The following DYNC2H1 variants were observed in gnomAD, a reference collection of about 807,000 sequenced individuals.
The protein encoded by DYNC2H1 is cytoplasmic dynein 2 heavy chain 1.
In DYNC2H1, 410 loss-of-function variants were observed where a neutral mutation model predicts 570.0. The ratio of observed to expected loss-of-function variants is 0.72; its 90% CI spans 0.66 to 0.78. The LOEUF (loss-of-function observed/expected upper bound fraction) is 0.78, where lower values mean the gene tolerates loss of function less well. DYNC2H1 is among the 30% of genes least tolerant of loss of function. DYNC2H1 has a pLI of 0.00. For synonymous variants in DYNC2H1, 1,688 were observed against 1,677.6 expected, an observed-to-expected ratio of 1.01 and a Z score of -0.15; for missense variants, 4,865 against 5,046.4, an observed-to-expected ratio of 0.96 and a Z score of 1.09.
intron 87 of DYNC2H1, among the ~76,000 whole-genome samples, chr11:103,457,715 T>C (rs949604676): frequency 1.3e-5 from 2 of 152,292 alleles, no homozygotes; most frequent in East Asian, 3.9e-4. Flanking sequence ...GTTCAAGTGA[T>C]CCTTCTGCCT....
At chr11:103,382,399 T>A (rs1463802261) in intron 83 of DYNC2H1, among the ~76,000 whole-genome samples, 1 of 152,190 alleles carries the variant, frequency 6.6e-6, no homozygotes, top group Non-Finnish European at 1.5e-5. Context: ...TTGGAATAGC[T>A]TAATTTCTAA....
chr11:103,271,708 C>T (rs1348342194), intron 70 of DYNC2H1, among the ~76,000 whole-genome samples: 1 of 152,120 alleles, frequency 6.6e-6, no homozygotes, highest in Admixed American at 6.6e-5. Context: ...CCATTTAATG[C>T]TTACAACAAT....
intron 12 of DYNC2H1, 96 bp from the exon 13 acceptor site, chr11:103,128,814 G>A (rs1391257226): frequency 3.8e-6 from 4 of 1,066,098 alleles, no homozygotes; most frequent in South Asian, 3.3e-5. Context: ...TTAAATTTTA[G>A]GATTGAGAAA....
intron 84 of DYNC2H1, among the ~76,000 whole-genome samples, chr11:103,411,577 T>A (rs1242184798): frequency 6.6e-6 from 1 of 152,014 alleles, no homozygotes; most frequent in East Asian, 1.9e-4. Context: ...TCATTTTCTA[T>A]GATTATAATA....
chr11:103,240,005 T>C (rs899682706), intron 63 of DYNC2H1, among the ~76,000 whole-genome samples: 1 of 149,514 alleles, frequency 6.7e-6, no homozygotes, highest in Non-Finnish European at 1.5e-5. Flanking sequence ...TCAAAATTTA[T>C]CAGCCTTTAA....
rs1858807923 is a variant in DYNC2H1 at position 103,123,135 on chromosome 11, T to C, written c.1661+135T>C. 1.1e-5 allele frequency: 7 copies of C among 648,906 alleles called. No individual in the cohort carries two copies. In the Admixed American group the frequency reaches 1.7e-4, roughly 16 times the overall value. The allele number at this position is 648,906 out of a possible 1,614,324, so 40.2% of individuals were successfully genotyped here. On this transcript the variant is annotated intron_variant, in intron 11 of 88. Transcript: ENST00000375735. The stretch of plus-strand genomic sequence containing the variant: ...GTAATTTTTTTTTGTTGTTTGTTTT[T>C]GATCATCAACTTTTAATTCATTAAG...
chr11:103,243,873 A>G lies in DYNC2H1; in HGVS notation c.9918+82A>G. On this transcript the variant is annotated intron_variant, in intron 64 of 88. Transcript: ENST00000375735. The surrounding 1 kb of genome is among the most constrained non-coding windows in gnomAD (Gnocchi z 4.8). ...ATCTTGGAGTCTATAATCAGAAAACATAGATTCAACACTGGGTCCTACTGT... is the reference window on the plus strand; with the variant it reads ...ATCTTGGAGTCTATAATCAGAAAACGTAGATTCAACACTGGGTCCTACTGT... The G allele has an allele frequency of 8.9e-7, 1 of 1,127,170 alleles. No homozygotes were observed. Among genetic ancestry groups the G allele is most frequent in the Non-Finnish European group, 1.3e-6 (1 of 795,918 alleles). 69.8% of individuals were successfully genotyped at this position (1,127,170 alleles called of 1,614,324 possible). A position where few individuals can be genotyped will look rare whatever the true frequency, so the allele number is the denominator to read the frequency against.
chr11:103,364,791 C>T (rs1026110920), intron 83 of DYNC2H1, among the ~76,000 whole-genome samples: 1 of 152,150 alleles, frequency 6.6e-6, no homozygotes, highest in Non-Finnish European at 1.5e-5. Context: ...CTCCTCCCCA[C>T]AGTCTCCACA....
At position 103,181,612 on chromosome 11, in the gene DYNC2H1, T is replaced by G; in HGVS notation, c.6348-145T>G. ...ATGTAATTGTATTATTCACACATACTCATAGTAAAGTAACTAAAGCCACCT... is the reference window on the plus strand; with the variant it reads ...ATGTAATTGTATTATTCACACATACGCATAGTAAAGTAACTAAAGCCACCT... On this transcript the variant is annotated intron_variant, in intron 39 of 88. Coordinates refer to ENST00000375735, the MANE Select transcript of DYNC2H1 (RefSeq NM_001377.3). This position sits in a 1 kb window ranked among gnomAD's most constrained non-coding sequence, Gnocchi z 5.0. 1 of 720,890 alleles carries G rather than the reference T, an allele frequency of 1.4e-6. No individual in the cohort carries two copies. Among genetic ancestry groups the G allele is most frequent in the East Asian group, 2.8e-5 (1 of 35,218 alleles). The allele number at this position is 720,890 out of a possible 1,614,324, so 44.7% of individuals were successfully genotyped here. A position where few individuals can be genotyped will look rare whatever the true frequency, so the allele number is the denominator to read the frequency against.
At chr11:103,131,718 G>A (rs969722082) in intron 13 of DYNC2H1, among the ~76,000 whole-genome samples, 2 of 151,884 alleles carry the variant, frequency 1.3e-5, no homozygotes, top group Non-Finnish European at 1.5e-5. Flanking sequence ...ATGCATATTT[G>A]ACATTTTTTT....
Position 103,435,839 on chromosome 11 carries a change from T to G in DYNC2H1, c.12367-104T>G, listed in dbSNP as rs1295818484. 3.4e-6 allele frequency: 3 copies of G among 892,124 alleles called. No individual in the cohort carries two copies. The East Asian group carries it at 8.0e-5, about 24-fold the overall frequency. The allele number at this position is 892,124 out of a possible 1,614,324, so 55.3% of individuals were successfully genotyped here. On this transcript the variant is annotated intron_variant, in intron 84 of 88. Transcript: ENST00000375735. ...TCAAACTTAATGAATTTCATATGTA[T>G]ATGTGAATTATGCCAAAATTTTTCT...
At position 103,155,445 on chromosome 11, in the gene DYNC2H1, T is replaced by C; in HGVS notation, c.3688T>C (p.Phe1230Leu). The stretch of plus-strand genomic sequence containing the variant: ...GGGGACTAGTCTAGAGAAACTACTG[T>C]TTGGTGATTTGCTCAGAGTAGCTGA... ...PRGTSLEKLL[F>L]GDLLRVADTI... is the part of the protein sequence containing the mutation. Residue 1230 changes from phenylalanine to leucine, a missense_variant, in exon 25 of 89, where the codon TTT becomes CTT. Transcript: ENST00000375735. 1 of 1,612,552 alleles carries C rather than the reference T, an allele frequency of 6.2e-7. No homozygotes were observed. The highest frequency in any genetic ancestry group is 8.5e-7 in the Non-Finnish European group (1 of 1,179,108).
intron 84 of DYNC2H1, among the ~76,000 whole-genome samples, chr11:103,413,195 A>G (rs1240708811): frequency 1.3e-5 from 2 of 152,214 alleles, no homozygotes; most frequent in East Asian, 1.9e-4. Context: ...ATTTATGACT[A>G]CATCCACCAT....
In DYNC2H1 at chr11:103,338,274, G is replaced by A. The variant is rs188132111; in HGVS notation, c.12039+14284G>A. Reference sequence around the variant, plus strand: ...CTACCATGGTATTTTGGTTACTATAGGTTTCTAGTATACTTTGGAGTCAGG... The same window carrying A: ...CTACCATGGTATTTTGGTTACTATAAGTTTCTAGTATACTTTGGAGTCAGG... On this transcript the variant is annotated intron_variant, in intron 82 of 88. Coordinates refer to ENST00000375735, the MANE Select transcript of DYNC2H1 (RefSeq NM_001377.3). 7.8e-4 allele frequency among the ~76,000 whole-genome samples: 118 copies of A among 151,878 alleles called. 1 individual carries two copies. The highest frequency in any genetic ancestry group is 2.7e-3 in the African/African-American group (112 of 41,430).
intron 21 of DYNC2H1, among the ~76,000 whole-genome samples, 191 bp from the exon 22 acceptor site, chr11:103,153,112 G>C (rs1397039471): frequency 6.6e-6 from 1 of 151,972 alleles, no homozygotes; most frequent in Non-Finnish European, 1.5e-5. Context: ...TAAATTTATG[G>C]TCTAATTTAT....
rs776119144 is a variant in DYNC2H1, at chr11:103,236,399, T to G, written c.9710-31T>G. On this transcript the variant is annotated intron_variant, in intron 62 of 88. Transcript: ENST00000375735. ...CCCTTCATCAAGTACAAGATCGTTG[T>G]GAAGTATTATCAATATCTTCAACTT... The G allele has an allele frequency of 2.4e-6, 3 of 1,229,546 alleles. No homozygotes were observed. In the African/African-American group the frequency reaches 4.5e-5, roughly 18 times the overall value. 76.2% of individuals were successfully genotyped at this position (1,229,546 alleles called of 1,614,324 possible).
At chr11:103,121,110 C>A in intron 9 of DYNC2H1, 74 bp downstream of exon 9, 1 of 980,358 alleles carries the variant, frequency 1.0e-6, no homozygotes, top group South Asian at 2.2e-5. Flanking sequence ...CGTTGCATAC[C>A]ATTTAGGATT....
intron 59 of DYNC2H1, among the ~76,000 whole-genome samples, chr11:103,225,296 T>G (rs563061295): frequency 6.6e-6 from 1 of 152,334 alleles, no homozygotes; most frequent in East Asian, 1.9e-4. Flanking sequence ...TTGCATTTGC[T>G]TTTGGGTTCT....
intron 13 of DYNC2H1, among the ~76,000 whole-genome samples, chr11:103,132,167 C>G (rs1283764860): frequency 6.6e-6 from 1 of 152,034 alleles, no homozygotes; most frequent in East Asian, 1.9e-4. Context: ...TCAAGGGCCT[C>G]TGTTCATTTT....
Sources: allele counts gnomAD v4.1 joint callset (sites outside exome capture counted in the v4.1 genomes callset), GRCh38; gene constraint gnomAD v4.1.1; non-coding constraint Gnocchi (gnomAD v3.1); transcripts MANE v1.5; gene names NCBI Gene and HGNC (gene_info 2026-07-23, HGNC 2026-07-21).